Variants in HERC5 observed in about 807,000 individuals in gnomAD.
The protein encoded by HERC5 is E3 ISG15--protein ligase HERC5.
A neutral mutation model predicts 119.6 loss-of-function variants in HERC5; 99 were observed. The observed-to-expected ratio is 0.83, with a 90% CI of 0.70 to 0.98. HERC5 has a LOEUF of 0.98. Ranked by LOEUF, HERC5 falls within the 50% of genes least tolerant of loss-of-function variation. The pLI is 0.00. For missense variants in HERC5, 1,267 were observed against 1,241.3 expected (o/e 1.02, Z -0.31); for synonymous variants, 478 against 445.9 (o/e 1.07, Z -0.91).
At chr4:88,469,496 G>C (rs1047849703) in intron 9 of HERC5, among the ~76,000 whole-genome samples, 4 of 152,138 alleles carry the variant, frequency 2.6e-5, no homozygotes, top group Non-Finnish European at 5.9e-5. Flanking sequence ...TGAGATTGTA[G>C]GGGCTGGCAA....
intron 18 of HERC5, among the ~76,000 whole-genome samples, chr4:88,498,939 G>A (rs990663538): frequency 2.6e-5 from 4 of 152,088 alleles, no homozygotes; most frequent in East Asian, 1.9e-4. Flanking sequence ...ACAGTTCACC[G>A]CCTTCCCCAC....
chr4:88,460,854 G>A (rs981540143), intron 3 of HERC5, among the ~76,000 whole-genome samples: 3 of 152,114 alleles, frequency 2.0e-5, no homozygotes, highest in Non-Finnish European at 2.9e-5. Flanking sequence ...GCTGGGCATG[G>A]TGGCTTCCAC....
intron 18 of HERC5, among the ~76,000 whole-genome samples, chr4:88,498,237 C>T (rs1741852624): frequency 6.6e-6 from 1 of 152,162 alleles, no homozygotes; most frequent in African/African-American, 2.4e-5. Context: ...AGTGAGGCTG[C>T]TCTAGAGACC....
chr4:88,469,084 G>A (rs1578045277), intron 8 of HERC5, 73 bp from the exon 9 acceptor site: 8 of 875,322 alleles, frequency 9.1e-6, no homozygotes, highest in East Asian at 5.1e-5. Context: ...ACTCTCTAGA[G>A]TGTACCTAAA....
chr4:88,500,878 TG>T lies in HERC5; in HGVS notation c.2512-36del. 7 of 1,445,376 alleles carry T rather than the reference TG, an allele frequency of 4.8e-6. No individual in the cohort carries two copies. The Middle Eastern group carries it at 8.7e-4, about 181-fold the overall frequency. 89.5% of individuals were successfully genotyped at this position (1,445,376 alleles called of 1,614,324 possible). A position where few individuals can be genotyped will look rare whatever the true frequency, so the allele number is the denominator to read the frequency against. On this transcript the variant is annotated intron_variant, in intron 19 of 22. Coordinates refer to ENST00000264350, the MANE Select transcript of HERC5 (RefSeq NM_016323.4). ...ATTGATGATAGATTGTTCAGAATTA[TG>T]TTGGAGATATTATCTGAGTTCATTT...
intron 15 of HERC5, among the ~76,000 whole-genome samples, chr4:88,488,431 C>T (rs1741535830): frequency 6.6e-6 from 1 of 151,958 alleles, no homozygotes; most frequent in South Asian, 2.1e-4. Context: ...AGGGTTTCAC[C>T]ATGTTGGCCA....
chr4:88,491,723 G>C (rs573215919), intron 16 of HERC5, among the ~76,000 whole-genome samples: 17 of 152,158 alleles, frequency 1.1e-4, no homozygotes, highest in Non-Finnish European at 2.5e-4. Flanking sequence ...AGTTTGGCAA[G>C]AGTGGAAGGA....
chr4:88,500,932 C>T lies in HERC5; in HGVS notation c.2529C>T (p.Asn843=), dbSNP rs776233049. 19 of 1,611,182 alleles carry T rather than the reference C, an allele frequency of 1.2e-5. No homozygotes were observed. The highest frequency in any genetic ancestry group is 1.1e-4 in the African/African-American group (8 of 74,776). ...GGTTACAGGTGCACTGGGACAGAAA[C>T]GACACAAACTTAATTCCTAATGGAA... is the stretch of plus-strand genomic sequence containing the variant. ...YIHFNVHWDR[N]DTNLIPNGSS... The change falls in exon 20 of 23, where the codon AAC becomes AAT. Residue 843 remains asparagine, a synonymous_variant. Coordinates refer to ENST00000264350, the MANE Select transcript of HERC5 (RefSeq NM_016323.4).
At chr4:88,498,694 CTGAG>C (rs1397909089) in intron 18 of HERC5, among the ~76,000 whole-genome samples, 1 of 152,198 alleles carries the variant, frequency 6.6e-6, no homozygotes, top group African/African-American at 2.4e-5. Context: ...CCTCAGCCTC[CTGAG>C]TAACTGGAAT....
At chr4:88,469,750 C>A (rs1470353035) in intron 9 of HERC5, among the ~76,000 whole-genome samples, 1 of 152,180 alleles carries the variant, frequency 6.6e-6, no homozygotes, top group African/African-American at 2.4e-5. Context: ...TAAAAAAATA[C>A]TTTCATAGAA....
intron 13 of HERC5, among the ~76,000 whole-genome samples, chr4:88,483,822 G>T (rs756770241): frequency 6.6e-6 from 1 of 152,100 alleles, no homozygotes; most frequent in Non-Finnish European, 1.5e-5. Context: ...GAGCCATTGC[G>T]CCTGGCCTTC....
chr4:88,471,984 T>C (rs75362741), intron 10 of HERC5, among the ~76,000 whole-genome samples: 1 of 148,566 alleles, frequency 6.7e-6, no homozygotes, highest in African/African-American at 2.5e-5. Context: ...CTTCCTTCTT[T>C]CTTTTCTTTT....
At chr4:88,493,770 C>T (rs957305030) in intron 17 of HERC5, among the ~76,000 whole-genome samples, 8 of 151,888 alleles carry the variant, frequency 5.3e-5, no homozygotes, top group Non-Finnish European at 1.2e-4. Flanking sequence ...CCTGCCAACA[C>T]ACCTGGGTAG....
intron 11 of HERC5, chr4:88,473,903 A>G (rs1740961239): frequency 6.6e-6 from 1 of 152,234 alleles, no homozygotes; most frequent in Non-Finnish European, 1.5e-5. Context: ...TGTAAATGAA[A>G]TAATCATAGG....
Position 88,493,075 on chromosome 4 carries a change from CTGTT to C in HERC5, c.2200_2203del (p.Phe734GlnfsTer3), listed in dbSNP as rs1453697390. ...AGTCAAGAAAGAGTTCTTCTACTGTCTGTTTGCAGAGATGATCCAGCCGGAATAT... is the reference window on the plus strand; with the variant it reads ...AGTCAAGAAAGAGTTCTTCTACTGTCTGCAGAGATGATCCAGCCGGAATAT... On this transcript the variant is annotated frameshift_variant, in exon 17 of 23. Coordinates refer to ENST00000264350, the MANE Select transcript of HERC5 (RefSeq NM_016323.4). LOFTEE classifies it high-confidence loss of function. 1.2e-6 allele frequency: 2 copies of C among 1,613,940 alleles called. No individual in the cohort carries two copies. The highest frequency in any genetic ancestry group is 1.7e-5 in the Admixed American group (1 of 59,996).
chr4:88,465,424 A>G (rs1308896511), intron 6 of HERC5, among the ~76,000 whole-genome samples: 2 of 152,236 alleles, frequency 1.3e-5, no homozygotes, highest in Non-Finnish European at 2.9e-5. Context: ...ACTAGCATGA[A>G]TACTTTCAGT....
At position 88,499,944 on chromosome 4, in the gene HERC5, G is replaced by A. The variant is rs1045772648; in HGVS notation, c.2463G>A (p.Leu821=). The change falls in exon 19 of 23, where the codon CTG becomes CTA. Residue 821 remains leucine (L), a synonymous_variant. Coordinates refer to ENST00000264350, the MANE Select transcript of HERC5 (RefSeq NM_016323.4). ...PDLGKNLQTL[L]DDEGDNFEEV... is the part of the protein sequence containing the mutation. ...TCCTTAGGAATTTGCAAACACTTCT[G>A]GATGATGAAGGTGATAACTTTGAGG... is the stretch of plus-strand genomic sequence containing the variant. 2.5e-6 allele frequency: 4 copies of A among 1,608,130 alleles called. No homozygotes were observed. Among genetic ancestry groups the A allele is most frequent in the Admixed American group, 3.3e-5 (2 of 59,940 alleles).
intron 18 of HERC5, 84 bp from the exon 19 acceptor site, chr4:88,499,842 C>G: frequency 1.1e-6 from 1 of 922,878 alleles, no homozygotes; most frequent in Non-Finnish European, 1.8e-6. Context: ...TTCAGAATAG[C>G]TATACACTTG....
intron 10 of HERC5, among the ~76,000 whole-genome samples, chr4:88,471,747 T>A (rs1012718732): frequency 6.6e-6 from 1 of 152,182 alleles, no homozygotes; most frequent in Non-Finnish European, 1.5e-5. Context: ...AAATTATTGG[T>A]CAGAAGCCCT....
Sources: allele counts gnomAD v4.1 joint callset (sites outside exome capture counted in the v4.1 genomes callset), GRCh38; gene constraint gnomAD v4.1.1; transcripts MANE v1.5; gene names NCBI Gene and HGNC (gene_info 2026-07-23, HGNC 2026-07-21).